Variants in SCN8A observed in about 807,000 individuals in gnomAD.
SCN8A encodes sodium voltage-gated channel alpha subunit 8, also known as sodium channel protein type 8 subunit alpha.
A neutral mutation model predicts 184.1 loss-of-function variants in SCN8A; 30 were observed. The ratio of observed to expected loss-of-function variants is 0.16; its 90% CI spans 0.12 to 0.22. The LOEUF (loss-of-function observed/expected upper bound fraction) is 0.22, where lower values mean the gene tolerates loss of function less well. Ranked by LOEUF, SCN8A falls within the 10% of genes least tolerant of loss-of-function variation. The pLI is 1.00. For missense variants in SCN8A, 1,057 were observed against 2,498.9 expected (o/e 0.42, Z 12.30); for synonymous variants, 852 against 907.0 (o/e 0.94, Z 1.09).
chr12:51,690,239 C>T (rs1196824811), intron 6 of SCN8A, among the ~76,000 whole-genome samples: 2 of 152,174 alleles, frequency 1.3e-5, no homozygotes, highest in Non-Finnish European at 2.9e-5. Context: ...CCAGGCTTTC[C>T]ACAGCAGTTT....
rs146503296 is a variant in SCN8A, at chr12:51,801,202, G to A, written c.4796-5080G>A. Among the ~76,000 whole-genome samples, 1,188 of 152,178 alleles carry A rather than the reference G, an allele frequency of 7.8e-3. 21 individuals carry two copies. Among genetic ancestry groups the A allele is most frequent in the African/African-American group, 0.027 (1,106 of 41,504 alleles). On this transcript the variant is annotated intron_variant, in intron 26 of 26. Coordinates refer to ENST00000627620, the MANE Select transcript of SCN8A (RefSeq NM_001330260.2). ...CTCTGCTATCCATTATGGTAGCTACGCCCACCTTGCCTTTGACAGTTGAGT... is the reference window on the plus strand; with the variant it reads ...CTCTGCTATCCATTATGGTAGCTACACCCACCTTGCCTTTGACAGTTGAGT...
chr12:51,612,483 T>A (rs1939742687), intron 1 of SCN8A, among the ~76,000 whole-genome samples: 1 of 152,206 alleles, frequency 6.6e-6, no homozygotes, highest in Non-Finnish European at 1.5e-5. Flanking sequence ...AGTACATTCA[T>A]TTTATCAGGT....
intron 12 of SCN8A, among the ~76,000 whole-genome samples, chr12:51,741,828 C>A (rs963772421): frequency 6.6e-6 from 1 of 152,124 alleles, no homozygotes; most frequent in Non-Finnish European, 1.5e-5. Context: ...CCTCAGCCCC[C>A]CAAGTAGCTG....
At chr12:51,742,971 C>T (rs145498404) in intron 12 of SCN8A, among the ~76,000 whole-genome samples, 1 of 152,086 alleles carries the variant, frequency 6.6e-6, no homozygotes, top group African/African-American at 2.4e-5. Flanking sequence ...TTTCTTCTGT[C>T]TGATCAATTC....
At chr12:51,667,231 T>G (rs1008219786) in intron 2 of SCN8A, among the ~76,000 whole-genome samples, 7 of 152,192 alleles carry the variant, frequency 4.6e-5, no homozygotes, top group African/African-American at 1.7e-4. Context: ...CTTCCAGAGT[T>G]TCTTTATGTG....
At chr12:51,629,276 C>T (rs1005568729) in intron 1 of SCN8A, among the ~76,000 whole-genome samples, 6 of 152,100 alleles carry the variant, frequency 3.9e-5, no homozygotes, top group Non-Finnish European at 8.8e-5. Context: ...AGTGGTAGAG[C>T]TATCAGAGTG....
chr12:51,616,196 C>A (rs894736611), intron 1 of SCN8A, among the ~76,000 whole-genome samples: 1 of 152,182 alleles, frequency 6.6e-6, no homozygotes, highest in Non-Finnish European at 1.5e-5. Flanking sequence ...TCTTTTAGAG[C>A]AGTCTGCTAG....
At chr12:51,728,731 CAAAAAAAAA>C (rs10560307) in intron 12 of SCN8A, among the ~76,000 whole-genome samples, 213 of 140,198 alleles carry the variant, frequency 1.5e-3, no homozygotes, top group East Asian at 1.8e-3. Context: ...CCCTGTTTCC[CAAAAAAAAA>C]AAAAAAAAAA....
chr12:51,713,275 A>C, intron 11 of SCN8A: 4 of 1,154,482 alleles, frequency 3.5e-6, no homozygotes, highest in Non-Finnish European at 5.2e-6. Context: ...CTCTCTAGAA[A>C]CAGCTCTCTT....
intron 11 of SCN8A, chr12:51,713,249 C>G (rs1941910784): frequency 8.9e-7 from 1 of 1,129,114 alleles, no homozygotes. Context: ...AGATGGGCAC[C>G]AGGCTTCACA....
At position 51,751,434 on chromosome 12, in the gene SCN8A, C is replaced by G. The variant is rs1347575721; in HGVS notation, c.2211C>G (p.Pro737=). ...CTTTCCTCATCTGGGAGTGCCACCC[C>G]TACTGGATAAAACTGAAAGAGATTG... ...ANTFLIWECH[P]YWIKLKEIVN... is the part of the protein sequence containing the mutation. The change falls in exon 14 of 27, where the codon CCC becomes CCG. Residue 737 remains proline, a synonymous_variant. Transcript: ENST00000627620. 5.0e-6 allele frequency: 8 copies of G among 1,613,808 alleles called. No individual in the cohort carries two copies. The African/African-American group carries it at 8.0e-5, about 16-fold the overall frequency.
At chr12:51,772,347 A>G (rs1245114071) in intron 19 of SCN8A, among the ~76,000 whole-genome samples, 2 of 151,530 alleles carry the variant, frequency 1.3e-5, no homozygotes, top group Non-Finnish European at 2.9e-5. Context: ...GTGTGCCGAG[A>G]TTGCACCATT....
chr12:51,775,876 C>T (rs1331628968), intron 20 of SCN8A, among the ~76,000 whole-genome samples: 2 of 152,202 alleles, frequency 1.3e-5, no homozygotes, highest in African/African-American at 2.4e-5. Flanking sequence ...CACCAGAACA[C>T]GTTCTTCTCT....
chr12:51,705,392 C>G, intron 9 of SCN8A, 25 bp from the exon 10 acceptor site: 1 of 1,611,522 alleles, frequency 6.2e-7, no homozygotes, highest in Non-Finnish European at 8.5e-7. Flanking sequence ...ACAAGTGACT[C>G]AGAAAATGGC....
chr12:51,698,560 A>G (rs569847414), intron 6 of SCN8A, among the ~76,000 whole-genome samples: 11 of 152,316 alleles, frequency 7.2e-5, no homozygotes, highest in African/African-American at 2.6e-4. Flanking sequence ...TGGACCCAAA[A>G]AGCATGAACC....
intron 1 of SCN8A, among the ~76,000 whole-genome samples, chr12:51,655,612 G>A (rs776084925): frequency 2.6e-4 from 40 of 152,040 alleles, no homozygotes; most frequent in Admixed American, 5.9e-4. Flanking sequence ...GGCCTCAAGC[G>A]ATCTTCCCAT....
chr12:51,782,464 G>T (rs1937951980), intron 21 of SCN8A, among the ~76,000 whole-genome samples: 1 of 152,188 alleles, frequency 6.6e-6, no homozygotes, highest in Non-Finnish European at 1.5e-5. Flanking sequence ...ATCCACTTTG[G>T]TGACTGAAAA....
chr12:51,648,315 GCCTCAGCCT>G (rs1940636389), intron 1 of SCN8A, among the ~76,000 whole-genome samples: 1 of 152,162 alleles, frequency 6.6e-6, no homozygotes, highest in Non-Finnish European at 1.5e-5. Context: ...AAACCCTCCT[GCCTCAGCCT>G]CCTCAGTAGC....
intron 26 of SCN8A, among the ~76,000 whole-genome samples, chr12:51,795,054 G>GC (rs1305973037): frequency 6.6e-6 from 1 of 152,138 alleles, no homozygotes; most frequent in Non-Finnish European, 1.5e-5. Context: ...GGTGGTGATG[G>GC]CCATGGTAGT....
Sources: allele counts gnomAD v4.1 joint callset (sites outside exome capture counted in the v4.1 genomes callset), GRCh38; gene constraint gnomAD v4.1.1; transcripts MANE v1.5; gene names NCBI Gene and HGNC (gene_info 2026-07-23, HGNC 2026-07-21).